Variants in HEYL observed in about 807,000 individuals in gnomAD.
The protein encoded by HEYL is hes related family bHLH transcription factor with YRPW motif like, also known as hairy/enhancer-of-split related with YRPW motif-like protein.
A neutral mutation model predicts 18.6 loss-of-function variants in HEYL; 12 were observed. That is an observed-to-expected ratio of 0.65 (90% confidence interval 0.41 to 1.05). The LOEUF (loss-of-function observed/expected upper bound fraction) is 1.05. HEYL is among the 50% of genes least tolerant of loss of function. The pLI, the probability that HEYL is intolerant of heterozygous loss-of-function variation, is 0.00. For synonymous variants in HEYL, 159 were observed against 179.6 expected, an observed-to-expected ratio of 0.89 and a Z score of 0.91; for missense variants, 420 against 444.7, an observed-to-expected ratio of 0.94 and a Z score of 0.50.
At chr1:39,633,145 G>T (rs1024850236) in intron 1 of HEYL, 25 of 983,246 alleles carry the variant, frequency 2.5e-5, no homozygotes, top group Non-Finnish European at 2.7e-5. Context: ...CCCACGGGCC[G>T]GGCGCGCCGG....
At chr1:39,630,920 G>A (rs1372485154) in intron 3 of HEYL, among the ~76,000 whole-genome samples, 1 of 152,194 alleles carries the variant, frequency 6.6e-6, no homozygotes, top group African/African-American at 2.4e-5. Context: ...TGGTTTTAGT[G>A]AACATCTGTG....
Position 39,632,656 on chromosome 1 carries a change from T to C in HEYL, c.140A>G (p.His47Arg), listed in dbSNP as rs784625. 0.99 allele frequency: 1,597,299 copies of C among 1,613,588 alleles called. 790,700 individuals are homozygous for C. The highest frequency in any genetic ancestry group is 1 in the East Asian group (44,784 of 44,794). ...SSSQMQARKK[H>R]RGIIEKRRRD... ...GCTGAGACGGACACTCACCCCTCTGTGTTTCTTCCTGGCTTGCATCTGCGA... is the reference window on the plus strand; with the variant it reads ...GCTGAGACGGACACTCACCCCTCTGCGTTTCTTCCTGGCTTGCATCTGCGA... The change falls in exon 2 of 5, where the codon CAC becomes CGC. Residue 47 changes from histidine (H) to arginine (R), a missense_variant. Coordinates refer to ENST00000372852, the MANE Select transcript of HEYL (RefSeq NM_014571.4).
rs756951380 is a variant in HEYL, at chr1:39,626,749, G to T, written c.745C>A (p.Arg249Ser). The part of the protein sequence containing the change: ...SRGASSTRRA[R>S]PLERPATPVP... The stretch of plus-strand genomic sequence containing the variant: ...GGGGTCGCTGGCCTCTCTAGGGGGC[G>T]GGCCCTCCGGGTGGAAGATGCCCCT... Residue 249 changes from arginine to serine, a missense_variant, in exon 5 of 5, where the codon CGC becomes AGC. Coordinates refer to ENST00000372852, the MANE Select transcript of HEYL (RefSeq NM_014571.4). 6.6e-7 allele frequency: 1 copy of T among 1,526,470 alleles called. No homozygotes were observed. Among genetic ancestry groups the T allele is most frequent in the Admixed American group, 2.0e-5 (1 of 48,850 alleles). The allele number at this position is 1,526,470 out of a possible 1,614,324, so 94.6% of individuals were successfully genotyped here.
At position 39,626,821 on chromosome 1, in the gene HEYL, C is replaced by A; in HGVS notation, c.673G>T (p.Ala225Ser). The change falls in exon 5 of 5, where the codon GCC (alanine) becomes TCC (serine). Residue 225 changes from alanine (A) to serine (S), a missense_variant. Coordinates refer to ENST00000372852, the MANE Select transcript of HEYL (RefSeq NM_014571.4). Reference sequence around the variant, plus strand: ...CGGGCTGGCAGGATGATGCCTGTGGCTCTGCGAAGGGGAGCGGTTCGGAGG... The same window carrying A: ...CGGGCTGGCAGGATGATGCCTGTGGATCTGCGAAGGGGAGCGGTTCGGAGG... ...PALRTAPLRR[A>S]TGIILPARRN... 1 of 1,567,302 alleles carries A rather than the reference C, an allele frequency of 6.4e-7. No homozygotes were observed. Among genetic ancestry groups the A allele is most frequent in the Non-Finnish European group, 8.7e-7 (1 of 1,155,756 alleles).
rs1231667705 is a variant in HEYL, at chr1:39,626,198, TG to T, written c.*308del. 1 of 302,484 alleles carries T rather than the reference TG, an allele frequency of 3.3e-6. No homozygotes were observed. Among genetic ancestry groups the T allele is most frequent in the Non-Finnish European group, 6.1e-6 (1 of 164,560 alleles). 18.7% of individuals were successfully genotyped at this position (302,484 alleles called of 1,614,324 possible). On this transcript the variant is annotated 3_prime_UTR_variant, in exon 5 of 5. Transcript: ENST00000372852. ...CAGACCCAAGGTTCATGCCTGCTGCTGGTGTGCAGAGGGCAGGAGAGGGGTC... is the reference window on the plus strand; with the variant it reads ...CAGACCCAAGGTTCATGCCTGCTGCTGTGTGCAGAGGGCAGGAGAGGGGTC...
At chr1:39,636,258 CTTT>C (rs796907854) in intron 1 of HEYL, among the ~76,000 whole-genome samples, 2 of 143,346 alleles carry the variant, frequency 1.4e-5, no homozygotes, top group East Asian at 4.0e-4. Flanking sequence ...ACTCTAGTAG[CTTT>C]TTTTTTTTTT....
intron 1 of HEYL, among the ~76,000 whole-genome samples, chr1:39,638,609 G>A (rs986056349): frequency 1.3e-5 from 2 of 152,178 alleles, no homozygotes; most frequent in Non-Finnish European, 2.9e-5. Context: ...CTCTGTCAGG[G>A]AAACCAATGG....
At chr1:39,628,867 G>C (rs1646316840) in intron 4 of HEYL, among the ~76,000 whole-genome samples, 1 of 152,112 alleles carries the variant, frequency 6.6e-6, no homozygotes, top group East Asian at 1.9e-4. Context: ...CTCCTAAAGT[G>C]CTGGGACTAC....
At chr1:39,638,142 T>C (rs978649972) in intron 1 of HEYL, among the ~76,000 whole-genome samples, 1 of 152,228 alleles carries the variant, frequency 6.6e-6, no homozygotes, top group Admixed American at 6.5e-5. Context: ...ATACGTTGCA[T>C]AGCGAGTTGT....
Position 39,624,875 on chromosome 1 carries a change from T to C in HEYL, c.*1632A>G, listed in dbSNP as rs1176497844. On this transcript the variant is annotated 3_prime_UTR_variant, in exon 5 of 5. Coordinates refer to ENST00000372852, the MANE Select transcript of HEYL (RefSeq NM_014571.4). ...TTTTCAAAAGAGCTTTCTGGGTCAC[T>C]CAATGATCTCCTCCCTCTTATCCAC... The C allele has an allele frequency of 6.6e-6, 1 of 152,276 alleles. No individual in the cohort carries two copies. Among genetic ancestry groups the C allele is most frequent in the East Asian group, 1.9e-4 (1 of 5,198 alleles). 9.4% of individuals were successfully genotyped at this position (152,276 alleles called of 1,614,324 possible).
chr1:39,624,085 G>GA lies in HEYL; in HGVS notation c.*2421dup, dbSNP rs1646282171. 6.6e-6 allele frequency: 1 copy of GA among 152,276 alleles called. No individual in the cohort carries two copies. Among genetic ancestry groups the GA allele is most frequent in the Non-Finnish European group, 1.5e-5 (1 of 68,076 alleles). 9.4% of individuals were successfully genotyped at this position (152,276 alleles called of 1,614,324 possible). A position where few individuals can be genotyped will look rare whatever the true frequency, so the allele number is the denominator to read the frequency against. The stretch of plus-strand genomic sequence containing the variant: ...GGGGGAGGTGATGTGGCCTGGCCAG[G>GA]ATGGCTGTGGGTGCAGACAGAAGTG... On this transcript the variant is annotated 3_prime_UTR_variant, in exon 5 of 5. Transcript: ENST00000372852.
At position 39,626,468 on chromosome 1, in the gene HEYL, C is replaced by G. The variant is rs904529912; in HGVS notation, c.*39G>C. On this transcript the variant is annotated 3_prime_UTR_variant, in exon 5 of 5. Coordinates refer to ENST00000372852, the MANE Select transcript of HEYL (RefSeq NM_014571.4). ...CTTTTTTGGGCTCCTGGTAAAAGAA[C>G]CTTCCTTATTCCTTGGGGCGGGGTG... 6.9e-7 allele frequency: 1 copy of G among 1,448,764 alleles called. No homozygotes were observed. Among genetic ancestry groups the G allele is most frequent in the East Asian group, 2.6e-5 (1 of 38,506 alleles). The allele number at this position is 1,448,764 out of a possible 1,614,324, so 89.7% of individuals were successfully genotyped here. A position where few individuals can be genotyped will look rare whatever the true frequency, so the allele number is the denominator to read the frequency against.
chr1:39,632,539 C>T (rs996739565), intron 2 of HEYL, 110 bp downstream of exon 2: 2 of 948,696 alleles, frequency 2.1e-6, no homozygotes, highest in Non-Finnish European at 3.2e-6. Context: ...TGAACCCAAG[C>T]AGTTAGCTTC....
At chr1:39,628,164 C>G (rs955681303) in intron 4 of HEYL, among the ~76,000 whole-genome samples, 2 of 152,230 alleles carry the variant, frequency 1.3e-5, no homozygotes, top group African/African-American at 4.8e-5. Flanking sequence ...AACAGCTCAG[C>G]TGGAGACTAT....
In HEYL at chr1:39,623,966, A is replaced by T. The variant is rs1057401492; in HGVS notation, c.*2541T>A. 2.0e-5 allele frequency among the ~76,000 whole-genome samples: 3 copies of T among 152,218 alleles called. No homozygotes were observed. The highest frequency in any genetic ancestry group is 7.2e-5 in the African/African-American group (3 of 41,448). ...AGGTTTTCAAACTAAAGATGATACG[A>T]TATGACCTGCAGCTTTCAATTTCTC... On this transcript the variant is annotated 3_prime_UTR_variant, in exon 5 of 5. Coordinates refer to ENST00000372852, the MANE Select transcript of HEYL (RefSeq NM_014571.4).
intron 4 of HEYL, among the ~76,000 whole-genome samples, chr1:39,627,660 G>A (rs918056734): frequency 9.9e-5 from 15 of 152,164 alleles, no homozygotes; most frequent in South Asian, 2.1e-4. Context: ...GTGTGAGGTC[G>A]TCGGAAGCCA....
In HEYL at chr1:39,632,369, G is replaced by A. The variant is rs1314890259; in HGVS notation, c.147+280C>T. ...AATCATAATGGCCTATTGTGTGTCT[G>A]CTATTGTTTAGAGCATTACATTAAT... On this transcript the variant is annotated intron_variant, in intron 2 of 4. Coordinates refer to ENST00000372852, the MANE Select transcript of HEYL (RefSeq NM_014571.4). Among the ~76,000 whole-genome samples, 4 of 152,242 alleles carry A rather than the reference G, an allele frequency of 2.6e-5. No individual in the cohort carries two copies. In the South Asian group the frequency reaches 6.2e-4, roughly 24 times the overall value.
At chr1:39,628,850 T>C (rs1366808422) in intron 4 of HEYL, among the ~76,000 whole-genome samples, 1 of 151,238 alleles carries the variant, frequency 6.6e-6, no homozygotes, top group Non-Finnish European at 1.5e-5. Flanking sequence ...GATCCGCCTG[T>C]TTCGGCCTCC....
At chr1:39,629,667 T>G (rs1026222119) in intron 4 of HEYL, among the ~76,000 whole-genome samples, 1 of 152,370 alleles carries the variant, frequency 6.6e-6, no homozygotes, top group African/African-American at 2.4e-5. Context: ...ACAGAATTTC[T>G]ATTTGTCTGG....
Sources: allele counts gnomAD v4.1 joint callset (sites outside exome capture counted in the v4.1 genomes callset), GRCh38; gene constraint gnomAD v4.1.1; transcripts MANE v1.5; gene names NCBI Gene and HGNC (gene_info 2026-07-23, HGNC 2026-07-21).